The following TOMM34 variants were observed in gnomAD, a reference collection of about 807,000 sequenced individuals.
TOMM34 encodes the protein translocase of outer mitochondrial membrane 34.
In TOMM34, 24 loss-of-function variants were observed where a neutral mutation model predicts 37.4. The ratio of observed to expected loss-of-function variants is 0.64; its 90% confidence interval spans 0.46 to 0.90. The LOEUF (loss-of-function observed/expected upper bound fraction) is 0.90, where lower values mean the gene tolerates loss of function less well. Ranked by LOEUF, TOMM34 falls within the 40% of genes least tolerant of loss-of-function variation. The pLI, the probability that TOMM34 is intolerant of heterozygous loss-of-function variation, is 0.00. For missense variants in TOMM34, 304 were observed against 375.6 expected (o/e 0.81, Z 1.58); for synonymous variants, 154 against 148.9 (o/e 1.03, Z -0.25).
At chr20:44,957,644 A>G (rs1477877717) in intron 1 of TOMM34, among the ~76,000 whole-genome samples, 1 of 151,972 alleles carries the variant, frequency 6.6e-6, no homozygotes, top group Non-Finnish European at 1.5e-5. Flanking sequence ...ATTAGTTCCC[A>G]ACTTTTTTAA....
chr20:44,954,984 G>A (rs971573577), intron 3 of TOMM34, 84 bp downstream of exon 3: 1 of 1,526,314 alleles, frequency 6.6e-7, no homozygotes, highest in African/African-American at 1.4e-5. Context: ...GATCCCCTCA[G>A]AAGACAGACA....
chr20:44,953,138 C>G (rs887430052), intron 3 of TOMM34, among the ~76,000 whole-genome samples: 8 of 152,294 alleles, frequency 5.3e-5, no homozygotes, highest in South Asian at 4.1e-4. Flanking sequence ...TTCCTCTCTA[C>G]TAACTCCAAC....
At chr20:44,957,942 C>T (rs1361706460) in intron 1 of TOMM34, among the ~76,000 whole-genome samples, 1 of 152,060 alleles carries the variant, frequency 6.6e-6, no homozygotes, top group African/African-American at 2.4e-5. Flanking sequence ...GGCACCCAAC[C>T]CTTAAAAATT....
intron 3 of TOMM34, 82 bp downstream of exon 3, chr20:44,954,986 A>G (rs2145604950): frequency 6.5e-7 from 1 of 1,531,588 alleles, no homozygotes; most frequent in East Asian, 2.3e-5. Context: ...TCCCCTCAGA[A>G]GACAGACAAG....
At chr20:44,949,956 A>C (rs1252716729) in intron 4 of TOMM34, among the ~76,000 whole-genome samples, 7 of 152,202 alleles carry the variant, frequency 4.6e-5, no homozygotes, top group Admixed American at 4.6e-4. Flanking sequence ...TCTGAGATTC[A>C]TCTGTGTTGA....
At position 44,943,093 on chromosome 20, in the gene TOMM34, T is replaced by C; in HGVS notation, c.*16A>G. ...GGGTAAGGTCAGGCAGGGGTTCCAG[T>C]TGCCCTGTTGGGTTTTTAGTGTAGG... On this transcript the variant is annotated 3_prime_UTR_variant, in exon 7 of 7. Coordinates refer to ENST00000372813, the MANE Select transcript of TOMM34 (RefSeq NM_006809.5). 1.2e-6 allele frequency: 2 copies of C among 1,613,534 alleles called. No homozygotes were observed. The highest frequency in any genetic ancestry group is 1.7e-6 in the Non-Finnish European group (2 of 1,179,684).
rs1193577845 is a variant in TOMM34, at chr20:44,960,358, G to T, written c.-25C>A. On this transcript the variant is annotated 5_prime_UTR_variant, in exon 1 of 7. Transcript: ENST00000372813. ...TCCCGTGGCCAGGCCGGCGAGTTGG[G>T]AGCTCCTTCCTTCCTCCCCCGTGTG... 1 of 1,542,086 alleles carries T rather than the reference G, an allele frequency of 6.5e-7. No homozygotes were observed. Among genetic ancestry groups the T allele is most frequent in the South Asian group, 1.2e-5 (1 of 82,576 alleles).
intron 2 of TOMM34, 68 bp downstream of exon 2, chr20:44,956,317 CA>C (rs893851906): frequency 6.4e-5 from 93 of 1,454,022 alleles, no homozygotes; most frequent in Admixed American, 1.2e-4. Context: ...AAAGAAGAAA[CA>C]AGCCAGATTA....
intron 1 of TOMM34, chr20:44,958,534 T>C: frequency 2.7e-6 from 1 of 366,134 alleles, no homozygotes; most frequent in South Asian, 2.1e-5. Context: ...ACCTACCACA[T>C]GAGGATATCA....
chr20:44,948,583 T>C lies in TOMM34; in HGVS notation c.698+147A>G, dbSNP rs868774195. The C allele has an allele frequency of 7.0e-6, 7 of 995,758 alleles. No homozygotes were observed. In the Admixed American group the frequency reaches 7.8e-5, roughly 11 times the overall value. The allele number at this position is 995,758 out of a possible 1,614,324, so 61.7% of individuals were successfully genotyped here. ...CTTTTGAGAGAATGAATGCCACTGG[T>C]CATGGCTAGCTCACAACGTGGATGC... On this transcript the variant is annotated intron_variant, in intron 5 of 6. Transcript: ENST00000372813.
chr20:44,958,435 G>A (rs756071420), intron 1 of TOMM34: 3 of 469,732 alleles, frequency 6.4e-6, no homozygotes, highest in Admixed American at 2.4e-5. Flanking sequence ...ACCAGAGTAC[G>A]GTTGCTCAGA....
intron 1 of TOMM34, chr20:44,958,333 C>T (rs1237086997): frequency 2.1e-6 from 1 of 470,558 alleles, no homozygotes; most frequent in Admixed American, 2.4e-5. Context: ...TCTTGTTTTG[C>T]CAGGCCCAGA....
rs566120875 is a variant in TOMM34 at position 44,958,105 on chromosome 20, T to C, written c.128-1620A>G. Among the ~76,000 whole-genome samples, 139 of 101,240 alleles carry C rather than the reference T, an allele frequency of 1.4e-3. 1 individual carries two copies. Among genetic ancestry groups the C allele is most frequent in the Non-Finnish European group, 1.1e-3 (55 of 48,308 alleles). 66.4% of individuals were successfully genotyped at this position (101,240 alleles called of 152,430 possible). A position where few individuals can be genotyped will look rare whatever the true frequency, so the allele number is the denominator to read the frequency against. On this transcript the variant is annotated intron_variant, in intron 1 of 6. Transcript: ENST00000372813. ...ATATGTATATATGTATATGTATATA[T>C]GTATACATGTACATGTATATATATG...
intron 5 of TOMM34, among the ~76,000 whole-genome samples, chr20:44,948,379 T>C (rs1399067827): frequency 6.6e-6 from 1 of 152,110 alleles, no homozygotes; most frequent in African/African-American, 2.4e-5. Flanking sequence ...AACAGGAGGG[T>C]CTTGGAGAAG....
intron 3 of TOMM34, among the ~76,000 whole-genome samples, chr20:44,953,711 C>T (rs1204300130): frequency 2.0e-5 from 3 of 152,162 alleles, no homozygotes; most frequent in African/African-American, 7.2e-5. Flanking sequence ...CTCGATACCC[C>T]GCAACCACTA....
chr20:44,952,666 G>A, intron 3 of TOMM34: 1 of 717,388 alleles, frequency 1.4e-6, no homozygotes, highest in South Asian at 1.5e-5. Context: ...ATGCCACCCA[G>A]AGACCAAGTT....
intron 1 of TOMM34, among the ~76,000 whole-genome samples, chr20:44,957,453 C>T (rs970618999): frequency 3.3e-5 from 5 of 152,226 alleles, no homozygotes; most frequent in African/African-American, 7.2e-5. Flanking sequence ...GGATTACAGA[C>T]GTGAGCCACC....
chr20:44,956,549 C>T (rs1317304860), intron 1 of TOMM34, 64 bp from the exon 2 acceptor site: 3 of 1,506,794 alleles, frequency 2.0e-6, no homozygotes, highest in Non-Finnish European at 2.8e-6. Context: ...CATTAGGATA[C>T]ATTTCAAACT....
chr20:44,959,228 G>C (rs951898976), intron 1 of TOMM34, among the ~76,000 whole-genome samples: 1 of 152,172 alleles, frequency 6.6e-6, no homozygotes, highest in South Asian at 2.1e-4. Flanking sequence ...AGGCGGCAAA[G>C]GGAAATAGGT....
Sources: gnomAD v4.1 joint callset for allele counts (sites outside exome capture counted in the v4.1 genomes callset) on GRCh38, gnomAD v4.1.1 for gene constraint, MANE v1.5 for transcripts, NCBI Gene and HGNC (gene_info 2026-07-23, HGNC 2026-07-21) for gene names.